The following WWOX variants were observed in gnomAD, a reference collection of about 807,000 sequenced individuals.
The protein encoded by WWOX is WW domain-containing oxidoreductase.
WWOX carries 69 observed loss-of-function variants against 46.2 expected under a neutral mutation model. That is an observed-to-expected ratio of 1.49 (90% CI 1.23 to 1.82). The LOEUF is 1.82. Ranked by LOEUF, WWOX falls within the 40% of genes most tolerant of loss-of-function variation. The pLI is 0.00. For missense variants in WWOX, 919 were observed against 542.6 expected, an observed-to-expected ratio of 1.69 and a Z score of -6.89; for synonymous variants, 359 against 202.6, an observed-to-expected ratio of 1.77 and a Z score of -6.56.
At chr16:78,764,161 C>G (rs1485004742) in intron 8 of WWOX, among the ~76,000 whole-genome samples, 1 of 152,158 alleles carries the variant, frequency 6.6e-6, no homozygotes, top group Non-Finnish European at 1.5e-5. Flanking sequence ...TTCTCCTGTA[C>G]TCAGCAGGTT....
intron 8 of WWOX, among the ~76,000 whole-genome samples, chr16:78,504,596 C>T (rs1183146313): frequency 6.6e-6 from 1 of 152,288 alleles, no homozygotes; most frequent in Non-Finnish European, 1.5e-5. Flanking sequence ...CCAGTGTCTT[C>T]GTAATACTAT....
intron 8 of WWOX, among the ~76,000 whole-genome samples, chr16:78,943,112 G>C (rs771749009): frequency 1.3e-5 from 2 of 152,176 alleles, no homozygotes; most frequent in Non-Finnish European, 2.9e-5. Context: ...GTTTTAGCTA[G>C]ACAGCGAATC....
At chr16:78,833,083 C>G (rs2051876223) in intron 8 of WWOX, among the ~76,000 whole-genome samples, 1 of 150,872 alleles carries the variant, frequency 6.6e-6, no homozygotes, top group South Asian at 2.1e-4. Context: ...GCTCTTTTGC[C>G]CAGGCTGCAG....
At chr16:78,683,571 AT>A (rs1191113339) in intron 8 of WWOX, among the ~76,000 whole-genome samples, 1 of 132,350 alleles carries the variant, frequency 7.6e-6, no homozygotes, top group South Asian at 2.6e-4. Flanking sequence ...TAAAAAAAAA[AT>A]TACATGAAAA....
rs150453302 is a variant in WWOX, at chr16:79,115,317, A to G, written c.1057-96291A>G. The stretch of plus-strand genomic sequence containing the variant: ...AAAAGAAACTTTCAATGTATACTTC[A>G]TCTCATTCCAACAAGAATTGGAAAC... On this transcript the variant is annotated intron_variant, in intron 8 of 8. Transcript: ENST00000566780. 4.3e-4 allele frequency among the ~76,000 whole-genome samples: 66 copies of G among 152,336 alleles called. No individual in the cohort carries two copies. The East Asian group carries it at 0.012, about 28-fold the overall frequency.
chr16:78,665,085 C>G (rs2047300043), intron 8 of WWOX, among the ~76,000 whole-genome samples: 1 of 152,178 alleles, frequency 6.6e-6, no homozygotes, highest in African/African-American at 2.4e-5. Context: ...GTAGGATCAT[C>G]TATTAGGTAA....
intron 8 of WWOX, among the ~76,000 whole-genome samples, chr16:78,982,617 G>A (rs1429429035): frequency 1.3e-5 from 2 of 152,160 alleles, no homozygotes; most frequent in Non-Finnish European, 2.9e-5. Flanking sequence ...TTCTTGACAG[G>A]AGCAGGCAGA....
chr16:79,102,064 G>C (rs866558592), intron 8 of WWOX, among the ~76,000 whole-genome samples: 1 of 126,544 alleles, frequency 7.9e-6, no homozygotes, highest in Admixed American at 7.8e-5. Flanking sequence ...AGGGGGGAGG[G>C]GGGGAGGGGG....
At chr16:79,113,364 A>G (rs2049452957) in intron 8 of WWOX, among the ~76,000 whole-genome samples, 1 of 152,204 alleles carries the variant, frequency 6.6e-6, no homozygotes, top group African/African-American at 2.4e-5. Flanking sequence ...TCAGGGGGCA[A>G]AGAAACTGGA....
rs569426418 is a variant in WWOX at position 78,913,427 on chromosome 16, T to A, written c.1057-298181T>A. On this transcript the variant is annotated intron_variant, in intron 8 of 8. Coordinates refer to ENST00000566780, the MANE Select transcript of WWOX (RefSeq NM_016373.4). ...TCTCAACCTGACCTGTAAAAACCTG[T>A]CTTGCAAAACCCTCACGGCTCTTTC... Among the ~76,000 whole-genome samples, 20 of 152,014 alleles carry A rather than the reference T, an allele frequency of 1.3e-4. No homozygotes were observed. In the South Asian group the frequency reaches 3.1e-3, roughly 24 times the overall value.
At chr16:78,225,439 CTT>C (rs1332851744) in intron 5 of WWOX, among the ~76,000 whole-genome samples, 1 of 152,166 alleles carries the variant, frequency 6.6e-6, no homozygotes, top group Admixed American at 6.5e-5. Flanking sequence ...TTACTTTTGT[CTT>C]TTAATTTTAA....
intron 8 of WWOX, among the ~76,000 whole-genome samples, chr16:79,053,141 C>G (rs8047303): frequency 0.12 from 17,628 of 152,116 alleles, 2,585 homozygotes; most frequent in African/African-American, 0.35. Context: ...AACATGAACT[C>G]AACGCTTTTA....
chr16:78,376,325 G>A (rs72796047), intron 5 of WWOX, among the ~76,000 whole-genome samples: 7,578 of 152,228 alleles, frequency 0.05, 314 homozygotes, highest in South Asian at 0.16. Context: ...ATTCTTTAGT[G>A]GAACTACAAT....
chr16:78,624,090 G>A (rs142712236), intron 8 of WWOX, among the ~76,000 whole-genome samples: 2 of 152,134 alleles, frequency 1.3e-5, no homozygotes, highest in African/African-American at 4.8e-5. Flanking sequence ...GAATCACATT[G>A]ACCTAACAGG....
At chr16:79,009,441 T>A (rs997957769) in intron 8 of WWOX, among the ~76,000 whole-genome samples, 1 of 152,098 alleles carries the variant, frequency 6.6e-6, no homozygotes, top group Non-Finnish European at 1.5e-5. Context: ...ACACTGGGGC[T>A]TCTGTGACTT....
At chr16:78,846,839 T>C (rs1210657804) in intron 8 of WWOX, among the ~76,000 whole-genome samples, 1 of 152,260 alleles carries the variant, frequency 6.6e-6, no homozygotes, top group Admixed American at 6.5e-5. Context: ...ATTGTCTTTC[T>C]GTCATGCCTT....
intron 8 of WWOX, among the ~76,000 whole-genome samples, chr16:79,146,792 G>C (rs2050190032): frequency 1.3e-5 from 2 of 152,152 alleles, no homozygotes; most frequent in African/African-American, 4.8e-5. Context: ...CTGAACAAGA[G>C]ATTTTAGTGC....
chr16:78,900,144 G>A (rs904117622), intron 8 of WWOX, among the ~76,000 whole-genome samples: 2 of 149,984 alleles, frequency 1.3e-5, no homozygotes, highest in African/African-American at 4.9e-5. Flanking sequence ...TTAAATGAAG[G>A]AGTCAGTAAC....
intron 5 of WWOX, 43 bp downstream of exon 5, chr16:78,164,332 A>G (rs553407614): frequency 2.6e-6 from 4 of 1,560,522 alleles, no homozygotes; most frequent in East Asian, 2.2e-5. Context: ...TGTCAAATAC[A>G]CATGCCGGGC....
Sources: gnomAD v4.1 joint callset for allele counts (sites outside exome capture counted in the v4.1 genomes callset) on GRCh38, gnomAD v4.1.1 for gene constraint, MANE v1.5 for transcripts, NCBI Gene and HGNC (gene_info 2026-07-23, HGNC 2026-07-21) for gene names.